Variants in PDSS2 observed in about 807,000 individuals in gnomAD.
The protein encoded by PDSS2 is decaprenyl diphosphate synthase subunit 2.
In PDSS2, 31 loss-of-function variants were observed where a neutral mutation model predicts 44.5. The observed-to-expected ratio is 0.70, with a 90% CI of 0.52 to 0.94. The LOEUF (loss-of-function observed/expected upper bound fraction) is 0.94, where lower values mean the gene tolerates loss of function less well. PDSS2 is among the 40% of genes least tolerant of loss of function. PDSS2 has a pLI of 0.00. For synonymous variants in PDSS2, 157 were observed against 180.3 expected, an observed-to-expected ratio of 0.87 and a Z score of 1.03; for missense variants, 452 against 482.2, an observed-to-expected ratio of 0.94 and a Z score of 0.59.
At chr6:107,356,333 A>G (rs1009185939) in intron 1 of PDSS2, among the ~76,000 whole-genome samples, 6 of 152,190 alleles carry the variant, frequency 3.9e-5, no homozygotes, top group Non-Finnish European at 8.8e-5. Context: ...GGACTGAAAT[A>G]ATTAGCATTG....
At chr6:107,423,765 G>A (rs996093085) in intron 1 of PDSS2, among the ~76,000 whole-genome samples, 8 of 152,140 alleles carry the variant, frequency 5.3e-5, no homozygotes, top group Non-Finnish European at 1.2e-4. Flanking sequence ...ATGATTAACT[G>A]CTGATTTTGA....
chr6:107,240,726 TA>T (rs936504894), intron 4 of PDSS2, among the ~76,000 whole-genome samples: 145 of 146,226 alleles, frequency 9.9e-4, no homozygotes, highest in East Asian at 4.2e-3. Context: ...AATAAAAATT[TA>T]AAAAAAAAAA....
chr6:107,184,210 A>G (rs1247166674), intron 7 of PDSS2, among the ~76,000 whole-genome samples: 2 of 152,206 alleles, frequency 1.3e-5, no homozygotes, highest in African/African-American at 4.8e-5. Flanking sequence ...AAATGTGCCA[A>G]TGTGAAAAAG....
intron 1 of PDSS2, among the ~76,000 whole-genome samples, chr6:107,418,299 G>A (rs534593429): frequency 8.5e-5 from 13 of 152,332 alleles, no homozygotes; most frequent in Non-Finnish European, 1.3e-4. Context: ...ACAGAGCAAA[G>A]AGTGATGAGG....
At chr6:107,245,156 A>C (rs1344531608) in intron 4 of PDSS2, among the ~76,000 whole-genome samples, 1 of 152,130 alleles carries the variant, frequency 6.6e-6, no homozygotes, top group African/African-American at 2.4e-5. Flanking sequence ...TCATCTTCTT[A>C]GGCTCAAGGT....
chr6:107,336,670 T>G (rs1251116291), intron 1 of PDSS2, among the ~76,000 whole-genome samples: 7 of 151,844 alleles, frequency 4.6e-5, no homozygotes. Context: ...CTTTTTAAAT[T>G]TTTTTTTGCT....
Position 107,198,074 on chromosome 6 carries a change from G to A in PDSS2, c.1009-4220C>T, listed in dbSNP as rs552832056. 1.7e-3 allele frequency among the ~76,000 whole-genome samples: 259 copies of A among 152,250 alleles called. 1 individual carries two copies. The highest frequency in any genetic ancestry group is 2.9e-3 in the Non-Finnish European group (195 of 68,012). The stretch of plus-strand genomic sequence containing the variant: ...TAGAATAGCCCTATCACAAATTCCT[G>A]TAAAACCATTTTTCCCATCCCATAC... On this transcript the variant is annotated intron_variant, in intron 6 of 7. Transcript: ENST00000369037.
chr6:107,177,273 G>A (rs1373711489), intron 7 of PDSS2, among the ~76,000 whole-genome samples: 1 of 151,892 alleles, frequency 6.6e-6, no homozygotes, highest in Admixed American at 6.6e-5. Flanking sequence ...TGAGATTACA[G>A]GCATGTGCCA....
chr6:107,311,594 G>A (rs906280609), intron 2 of PDSS2, among the ~76,000 whole-genome samples: 1 of 152,138 alleles, frequency 6.6e-6, no homozygotes, highest in African/African-American at 2.4e-5. Context: ...AAGATACAGT[G>A]TAGTCCTTGA....
chr6:107,230,062 T>G (rs1392593476), intron 4 of PDSS2: 1 of 189,468 alleles, frequency 5.3e-6, no homozygotes, highest in African/African-American at 2.4e-5. Context: ...GAAAAAGACC[T>G]GAAGAAACAA....
intron 2 of PDSS2, among the ~76,000 whole-genome samples, chr6:107,303,335 A>C (rs1189636446): frequency 2.0e-5 from 3 of 152,222 alleles, no homozygotes; most frequent in Non-Finnish European, 4.4e-5. Flanking sequence ...GGAGGGGACA[A>C]ACGTGTAATC....
intron 1 of PDSS2, among the ~76,000 whole-genome samples, chr6:107,454,076 A>G (rs1203048225): frequency 7.0e-6 from 1 of 142,628 alleles, no homozygotes; most frequent in Non-Finnish European, 1.5e-5. Context: ...GAGACAAGGT[A>G]TCACTCCATT....
At chr6:107,159,040 C>T (rs1440630808) in intron 7 of PDSS2, among the ~76,000 whole-genome samples, 1 of 151,886 alleles carries the variant, frequency 6.6e-6, no homozygotes, top group Non-Finnish European at 1.5e-5. Context: ...TAACTGTTCT[C>T]AGTTCTAAGT....
chr6:107,287,763 C>G (rs1028670764), intron 2 of PDSS2, among the ~76,000 whole-genome samples: 40 of 152,306 alleles, frequency 2.6e-4, no homozygotes, highest in African/African-American at 8.9e-4. Context: ...CTCAGGTGAT[C>G]CACCGAATCA....
chr6:107,288,841 C>G (rs953432935), intron 2 of PDSS2, among the ~76,000 whole-genome samples: 5 of 144,206 alleles, frequency 3.5e-5, no homozygotes, highest in Admixed American at 7.0e-5. Context: ...CTCACTGCAA[C>G]CTCCGCCTAC....
At chr6:107,412,045 C>T (rs559731116) in intron 1 of PDSS2, among the ~76,000 whole-genome samples, 1 of 151,090 alleles carries the variant, frequency 6.6e-6, no homozygotes, top group Non-Finnish European at 1.5e-5. Context: ...ACCACCACGC[C>T]CGGCTAATTT....
intron 2 of PDSS2, among the ~76,000 whole-genome samples, chr6:107,321,209 G>A (rs538481306): frequency 4.6e-5 from 7 of 152,114 alleles, no homozygotes; most frequent in Non-Finnish European, 8.8e-5. Flanking sequence ...TTGAATGAAT[G>A]AATGAATGAG....
At chr6:107,381,986 T>C (rs374923456) in intron 1 of PDSS2, among the ~76,000 whole-genome samples, 1 of 152,160 alleles carries the variant, frequency 6.6e-6, no homozygotes, top group Non-Finnish European at 1.5e-5. Context: ...ATATAACTAG[T>C]TGAGAAATTT....
chr6:107,194,587 T>C (rs906549748), intron 6 of PDSS2, among the ~76,000 whole-genome samples: 4 of 152,248 alleles, frequency 2.6e-5, no homozygotes, highest in African/African-American at 9.6e-5. Context: ...GCAAAAATAC[T>C]TTATGTGGAA....
Sources: gnomAD v4.1 joint callset for allele counts (sites outside exome capture counted in the v4.1 genomes callset) on GRCh38, gnomAD v4.1.1 for gene constraint, MANE v1.5 for transcripts, NCBI Gene and HGNC (gene_info 2026-07-23, HGNC 2026-07-21) for gene names.